Variants in LILRB1 observed in about 807,000 individuals in gnomAD.
LILRB1 encodes leukocyte immunoglobulin-like receptor subfamily B member 1.
In LILRB1, 59 loss-of-function variants were observed where a neutral mutation model predicts 74.6. The observed-to-expected ratio is 0.79, with a 90% confidence interval of 0.64 to 0.98. The LOEUF (loss-of-function observed/expected upper bound fraction) is 0.98. Among genes scored for constraint, LILRB1 ranks in the 50% least tolerant of loss-of-function variants. LILRB1 has a pLI of 0.00. For missense variants in LILRB1, 804 were observed against 822.6 expected, an observed-to-expected ratio of 0.98 and a Z score of 0.28; for synonymous variants, 328 against 333.9, an observed-to-expected ratio of 0.98 and a Z score of 0.19.
At position 54,632,671 on chromosome 19, in the gene LILRB1, C is replaced by T; in HGVS notation, c.869C>T (p.Ser290Phe). The T allele has an allele frequency of 6.2e-7, 1 of 1,613,608 alleles. No homozygotes were observed. The highest frequency in any genetic ancestry group is 1.7e-5 in the Admixed American group (1 of 60,028). ...TTCACCCTGGGCCCTGTGAGCCGCT[C>T]CTACGGGGGCCAGTACAGATGCTAC... ...ANFTLGPVSR[S>F]YGGQYRCYGA... The change falls in exon 6 of 15, where the codon TCC (serine) becomes TTC (phenylalanine). Residue 290 changes from serine (S) to phenylalanine (F), a missense_variant. By Grantham distance (155) the Ser-to-Phe change is radical. Transcript: ENST00000324602.
At chr19:54,625,157 A>G (rs34200476) in intron 1 of LILRB1, among the ~76,000 whole-genome samples, 67,192 of 123,464 alleles carry the variant, frequency 0.54, 19,819 homozygotes, top group Non-Finnish European at 0.66. Context: ...TGAGCATTGG[A>G]CTTTCAGAGG....
At position 54,630,588 on chromosome 19, in the gene LILRB1, G is replaced by T. The variant is rs774519681; in HGVS notation, c.-94G>T. 8.0e-6 allele frequency: 6 copies of T among 751,316 alleles called. No homozygotes were observed. In the Admixed American group the frequency reaches 1.1e-4, roughly 14 times the overall value. 46.5% of individuals were successfully genotyped at this position (751,316 alleles called of 1,614,324 possible). On this transcript the variant is annotated 5_prime_UTR_variant, in exon 1 of 15. Transcript: ENST00000324602. ...CTGAGTCTGCCTGCAGCATGGACCT[G>T]GGTCTTCCCTGAAGCATCTCCAGGG... is the stretch of plus-strand genomic sequence containing the variant.
chr19:54,627,057 A>G (rs1229382799), upstream of LILRB1, among the ~76,000 whole-genome samples: 198 of 151,656 alleles, frequency 1.3e-3, no homozygotes, highest in South Asian at 0.026. Context: ...AAGAGGGAGA[A>G]CAACAGTCTC....
chr19:54,618,230 T>C (rs2063365356), intron 1 of LILRB1, among the ~76,000 whole-genome samples: 1 of 152,130 alleles, frequency 6.6e-6, no homozygotes, highest in South Asian at 2.1e-4. Flanking sequence ...TCCATGAATC[T>C]GTGTGTGGTG....
chr19:54,634,335 T>A lies in LILRB1; in HGVS notation c.1364-306T>A, dbSNP rs895669847. The A allele has an allele frequency of 1.7e-5, 26 of 1,541,666 alleles. No individual in the cohort carries two copies. The African/African-American group carries it at 3.4e-4, about 20-fold the overall frequency. ...GCAGGGGAGGGGAGAAGAGTCATGGTTCAGGACGGTCAGGCTCTTTCCCTG... is the reference window on the plus strand; with the variant it reads ...GCAGGGGAGGGGAGAAGAGTCATGGATCAGGACGGTCAGGCTCTTTCCCTG... On this transcript the variant is annotated intron_variant, in intron 9 of 14. Coordinates refer to ENST00000324602, the MANE Select transcript of LILRB1 (RefSeq NM_001081637.3).
Position 54,632,160 on chromosome 19 carries a change from A to T in LILRB1, c.584A>T (p.Tyr195Phe). 6.2e-7 allele frequency: 1 copy of T among 1,614,192 alleles called. No individual in the cohort carries two copies. Among genetic ancestry groups the T allele is most frequent in the African/African-American group, 1.3e-5 (1 of 75,058 alleles). ...GPVSPSRRWW[Y>F]RCYAYDSNSP... ...GTGAGCCCGAGTCGCAGGTGGTGGTACAGGTGCTATGCTTATGACTCGAAC... is the reference window on the plus strand; with the variant it reads ...GTGAGCCCGAGTCGCAGGTGGTGGTTCAGGTGCTATGCTTATGACTCGAAC... Residue 195 changes from tyrosine to phenylalanine, a missense_variant, in exon 5 of 15, where the codon TAC becomes TTC. Tyr to Phe is a conservative substitution (Grantham distance 22, BLOSUM62 3). Transcript: ENST00000324602.
In LILRB1 at chr19:54,633,142, C is replaced by T; in HGVS notation, c.1085C>T (p.Ala362Val). 6.2e-7 allele frequency: 1 copy of T among 1,614,274 alleles called. No homozygotes were observed. The highest frequency in any genetic ancestry group is 8.5e-7 in the Non-Finnish European group (1 of 1,180,044). ...MQTFLLTKEG[A>V]ADDPWRLRST... ...ACTTTCCTTCTGACCAAGGAGGGGG[C>T]AGCTGATGACCCATGGCGTCTAAGA... is the stretch of plus-strand genomic sequence containing the variant. The change falls in exon 7 of 15, where the codon GCA becomes GTA. Residue 362 changes from alanine (A) to valine (V), a missense_variant. Ala to Val is a moderately conservative substitution (Grantham distance 64). Coordinates refer to ENST00000324602, the MANE Select transcript of LILRB1 (RefSeq NM_001081637.3).
In LILRB1 at chr19:54,631,758, G is replaced by A. The variant is rs10419085; in HGVS notation, c.329G>A (p.Ser110Asn). 3 of 1,614,118 alleles carry A rather than the reference G, an allele frequency of 1.9e-6. No individual in the cohort carries two copies. The highest frequency in any genetic ancestry group is 4.5e-5 in the East Asian group (2 of 44,900). ...AGCGACACTGCAGGCCGCTCAGAGA[G>A]CAGTGACCCCCTGGAGCTGGTGGTG... The part of the protein sequence containing the change: ...YGSDTAGRSE[S>N]SDPLELVVTG... Residue 110 changes from serine (S) to asparagine (N), a missense_variant, in exon 4 of 15, where the codon AGC becomes AAC. Transcript: ENST00000324602.
intron 1 of LILRB1, among the ~76,000 whole-genome samples, chr19:54,621,600 G>A (rs1301051831): frequency 1.3e-5 from 2 of 151,702 alleles, no homozygotes; most frequent in Non-Finnish European, 2.9e-5. Context: ...TCTTTTGTTG[G>A]AGGCATAATT....
rs1296679368 is a variant in LILRB1, at chr19:54,635,580, C to A, written c.1624C>A (p.Pro542Thr). The A allele has an allele frequency of 6.2e-7, 1 of 1,613,804 alleles. No homozygotes were observed. Among genetic ancestry groups the A allele is most frequent in the Non-Finnish European group, 8.5e-7 (1 of 1,179,848 alleles). The change falls in exon 13 of 15, where the codon CCT (proline) becomes ACT (threonine). Residue 542 changes from proline to threonine, a missense_variant. Transcript: ENST00000324602. ...NLYAAVKHTQ[P>T]EDGVEMDTRQ... ...AGATGCTGCCGTGAAGCACACACAG[C>A]CTGAGGATGGGGTGGAGATGGACAC... is the stretch of plus-strand genomic sequence containing the variant.
At chr19:54,622,779 CCATT>C (rs1309182517) in intron 1 of LILRB1, among the ~76,000 whole-genome samples, 2 of 152,128 alleles carry the variant, frequency 1.3e-5, no homozygotes, top group African/African-American at 4.8e-5. Context: ...TCACTTCTCC[CCATT>C]CAATTTTAAG....
upstream of LILRB1, among the ~76,000 whole-genome samples, chr19:54,625,529 G>C (rs2063557353): frequency 6.6e-6 from 1 of 152,152 alleles, no homozygotes; most frequent in Non-Finnish European, 1.5e-5. Context: ...GACCAGGATT[G>C]TAAAGGGCCA....
In LILRB1 at chr19:54,636,875, C is replaced by G. The variant is rs865783373; in HGVS notation, c.1956C>G (p.His652Gln). 6.2e-7 allele frequency: 1 copy of G among 1,613,312 alleles called. No homozygotes were observed. The highest frequency in any genetic ancestry group is 8.5e-7 in the Non-Finnish European group (1 of 1,179,402). Residue 652 changes from histidine (H) to glutamine (Q), a missense_variant, in exon 15 of 15, where the codon CAC becomes CAG. Physicochemically the swap from His to Gln is conservative, Grantham distance 24. Transcript: ENST00000324602. The stretch of plus-strand genomic sequence containing the variant: ...GCATCTACGCCACTCTGGCCATCCA[C>G]TAGCCCAGGGGGGGACGCAGACCCC... The part of the protein sequence containing the change: ...VPSIYATLAI[H>Q]
At chr19:54,618,148 G>C (rs1034551223) in intron 1 of LILRB1, among the ~76,000 whole-genome samples, 1 of 130,574 alleles carries the variant, frequency 7.7e-6, no homozygotes, top group African/African-American at 2.6e-5. Context: ...AAAAGAGTTT[G>C]AAAGTTTGAG....
chr19:54,632,684 G>A lies in LILRB1; in HGVS notation c.882G>A (p.Gln294=). 6.2e-7 allele frequency: 1 copy of A among 1,613,370 alleles called. No individual in the cohort carries two copies. The highest frequency in any genetic ancestry group is 1.1e-5 in the South Asian group (1 of 91,042). ...LGPVSRSYGG[Q]YRCYGAHNLS... ...CTGTGAGCCGCTCCTACGGGGGCCA[G>A]TACAGATGCTACGGTGCACACAACC... is the stretch of plus-strand genomic sequence containing the variant. Residue 294 remains glutamine (Q), a synonymous_variant, in exon 6 of 15, where the codon CAG becomes CAA. Transcript: ENST00000324602.
chr19:54,621,482 AAT>A (rs2063453687), intron 1 of LILRB1, among the ~76,000 whole-genome samples: 1 of 150,816 alleles, frequency 6.6e-6, no homozygotes, highest in Non-Finnish European at 1.5e-5. Context: ...TGTTTTGAGA[AAT>A]GTCTGTTGAT....
Position 54,630,624 on chromosome 19 carries a change from G to C in LILRB1, c.-58G>C. 1.1e-6 allele frequency: 1 copy of C among 870,868 alleles called. No homozygotes were observed. The highest frequency in any genetic ancestry group is 1.8e-6 in the Non-Finnish European group (1 of 554,968). The allele number at this position is 870,868 out of a possible 1,614,324, so 53.9% of individuals were successfully genotyped here. A position where few individuals can be genotyped will look rare whatever the true frequency, so the allele number is the denominator to read the frequency against. ...GAAGCATCTCCAGGGCTGGAGGGAC[G>C]ACTGCCATGGTAAGGACCCCACAAC... is the stretch of plus-strand genomic sequence containing the variant. On this transcript the variant is annotated 5_prime_UTR_variant, in exon 1 of 15. Transcript: ENST00000324602.
chr19:54,635,607 C>A lies in LILRB1; in HGVS notation c.1651C>A (p.Arg551=). ...TGAGGATGGGGTGGAGATGGACACT[C>A]GGGTGAGACCCCACCCCTGTCCCAG... ...QPEDGVEMDT[R]QSPHDEDPQA... Residue 551 remains arginine, a splice_region_variant and synonymous_variant, in exon 13 of 15, where the codon CGG becomes AGG. Coordinates refer to ENST00000324602, the MANE Select transcript of LILRB1 (RefSeq NM_001081637.3). 1.2e-6 allele frequency: 2 copies of A among 1,613,950 alleles called. No homozygotes were observed. Among genetic ancestry groups the A allele is most frequent in the Non-Finnish European group, 1.7e-6 (2 of 1,179,962 alleles).
chr19:54,630,857 T>A (rs2063769412), intron 1 of LILRB1, 169 bp from the exon 2 acceptor site: 2 of 899,602 alleles, frequency 2.2e-6, no homozygotes, highest in African/African-American at 3.4e-5. Context: ...CCATCTGAAA[T>A]GATGCAGAGG....
Sources: gnomAD v4.1 joint callset for allele counts (sites outside exome capture counted in the v4.1 genomes callset) on GRCh38, gnomAD v4.1.1 for gene constraint, MANE v1.5 for transcripts, NCBI Gene and HGNC (gene_info 2026-07-23, HGNC 2026-07-21) for gene names.